PCDHGA3: variants seen among roughly 807,000 people sequenced by gnomAD.
PCDHGA3 encodes the protein protocadherin gamma-A3.
PCDHGA3 carries 40 observed loss-of-function variants against 58.5 expected under a neutral mutation model. That is an observed-to-expected ratio of 0.68 (90% CI 0.53 to 0.89). The LOEUF (loss-of-function observed/expected upper bound fraction) is 0.89. Among genes scored for constraint, PCDHGA3 ranks in the 40% least tolerant of loss-of-function variants. The pLI, the probability that PCDHGA3 is intolerant of heterozygous loss-of-function variation, is 0.00. For missense variants in PCDHGA3, 1,223 were observed against 1,195.9 expected (o/e 1.02, Z -0.33); for synonymous variants, 530 against 525.7 (o/e 1.01, Z -0.11).
At chr5:141,471,361 CT>C (rs2099255928) in intron 1 of PCDHGA3, 1 of 151,976 alleles carries the variant, frequency 6.6e-6, no homozygotes, top group Non-Finnish European at 1.5e-5. Flanking sequence ...TCCAAGCCCC[CT>C]ATTTTTATTT....
intron 1 of PCDHGA3, among the ~76,000 whole-genome samples, chr5:141,481,555 C>T (rs1013876865): frequency 3.3e-5 from 5 of 152,164 alleles, no homozygotes; most frequent in South Asian, 2.1e-4. Flanking sequence ...CAGTGGCTCA[C>T]GCCTGTAATC....
Position 141,485,627 on chromosome 5 carries a change from T to C in PCDHGA3, c.2425-9180T>C. 3 of 1,612,072 alleles carry C rather than the reference T, an allele frequency of 1.9e-6. No individual in the cohort carries two copies. Among genetic ancestry groups the C allele is most frequent in the Non-Finnish European group, 2.5e-6 (3 of 1,178,530 alleles). On this transcript the variant is annotated intron_variant, in intron 1 of 3. Transcript: ENST00000253812. This position sits in a 1 kb window ranked among gnomAD's most constrained non-coding sequence, Gnocchi z 5.7. ...GGAGGCAGCTCCTCCAGGACAGCGT[T>C]TCCCGTTGGAAAAGGCTCAGGATGC...
At chr5:141,376,163 G>C in intron 1 of PCDHGA3, 11 of 1,614,112 alleles carry the variant, frequency 6.8e-6, no homozygotes, top group Non-Finnish European at 9.3e-6. Flanking sequence ...TCTGTACCTG[G>C]TGGTGGCGGT....
chr5:141,355,406 G>T (rs1277213650), intron 1 of PCDHGA3: 1 of 1,614,106 alleles, frequency 6.2e-7, no homozygotes, highest in Non-Finnish European at 8.5e-7. Context: ...ATCGTCTCCA[G>T]AGGTAGGACG....
intron 1 of PCDHGA3, chr5:141,410,230 C>T (rs759582867): frequency 6.2e-7 from 1 of 1,614,006 alleles, no homozygotes; most frequent in Admixed American, 1.7e-5. Flanking sequence ...CAGACCTCAG[C>T]GACCGCCCTG....
At chr5:141,505,604 G>T (rs772730114) in intron 3 of PCDHGA3, 123 bp downstream of exon 3, 1 of 1,535,418 alleles carries the variant, frequency 6.5e-7, no homozygotes, top group Non-Finnish European at 8.8e-7. Flanking sequence ...CTTTCGGCAG[G>T]TCTGAAAGGA....
At chr5:141,505,332 A>C in intron 2 of PCDHGA3, 61 bp from the exon 3 acceptor site, 1 of 1,610,872 alleles carries the variant, frequency 6.2e-7, no homozygotes, top group South Asian at 1.1e-5. Flanking sequence ...GGGAGAGGAC[A>C]GGAGGGGCAT....
At chr5:141,498,551 C>T (rs749191535) in intron 2 of PCDHGA3, among the ~76,000 whole-genome samples, 2 of 151,950 alleles carry the variant, frequency 1.3e-5, no homozygotes, top group Non-Finnish European at 2.9e-5. Context: ...GTCAGACACA[C>T]CAGCTTCAAA....
chr5:141,410,215 A>G (rs2095369286), intron 1 of PCDHGA3: 11 of 1,613,894 alleles, frequency 6.8e-6, no homozygotes, highest in Non-Finnish European at 8.5e-6. Flanking sequence ...TGCAAGAGAT[A>G]CTGCCAGACC....
At chr5:141,370,529 G>C in intron 1 of PCDHGA3, 2 of 1,613,942 alleles carry the variant, frequency 1.2e-6, no homozygotes, top group Non-Finnish European at 1.7e-6. Context: ...ACAGGGGCTC[G>C]CTGGTAGGGA....
intron 1 of PCDHGA3, chr5:141,393,374 T>G (rs11575958): frequency 0.026 from 42,476 of 1,613,728 alleles, 744 homozygotes; most frequent in East Asian, 0.04. Flanking sequence ...CTGGAGACAA[T>G]GGAGCCATAA....
intron 1 of PCDHGA3, chr5:141,409,909 T>C (rs772516694): frequency 1.2e-6 from 2 of 1,613,200 alleles, no homozygotes; most frequent in African/African-American, 2.7e-5. Flanking sequence ...CTCTGGGTCC[T>C]GACGGCTCCG....
intron 1 of PCDHGA3, chr5:141,360,666 C>T (rs79500662): frequency 0.014 from 21,810 of 1,613,996 alleles, 195 homozygotes; most frequent in Non-Finnish European, 0.016. Context: ...ACAACGAGTA[C>T]TTTGATCTCG....
intron 1 of PCDHGA3, chr5:141,371,270 C>T (rs778912997): frequency 6.2e-7 from 1 of 1,613,894 alleles, no homozygotes; most frequent in African/African-American, 1.3e-5. Flanking sequence ...GACAACTGTT[C>T]AAGCTGGACA....
intron 1 of PCDHGA3, chr5:141,374,366 C>T: frequency 6.2e-7 from 1 of 1,614,052 alleles, no homozygotes; most frequent in Non-Finnish European, 8.5e-7. Flanking sequence ...CCGCGAGGAG[C>T]TCTGTGCTCA....
At chr5:141,360,889 A>C (rs1761788263) in intron 1 of PCDHGA3, 1 of 1,614,032 alleles carries the variant, frequency 6.2e-7, no homozygotes, top group Non-Finnish European at 8.5e-7. Context: ...GGTCACCCTG[A>C]GGGAGGACGT....
Position 141,420,101 on chromosome 5 carries a change from T to A in PCDHGA3, c.2424+73644T>A. 5 of 1,614,046 alleles carry A rather than the reference T, an allele frequency of 3.1e-6. No homozygotes were observed. Among genetic ancestry groups the A allele is most frequent in the Non-Finnish European group, 4.2e-6 (5 of 1,179,870 alleles). ...TCCCCCCAACTACAGTGAGGGAACGTTGCCCTATGCCTATAATTTTTGTGT... is the reference window on the plus strand; with the variant it reads ...TCCCCCCAACTACAGTGAGGGAACGATGCCCTATGCCTATAATTTTTGTGT... On this transcript the variant is annotated intron_variant, in intron 1 of 3. Transcript: ENST00000253812.
At chr5:141,419,359 G>C (rs1257423360) in intron 1 of PCDHGA3, 1 of 1,613,796 alleles carries the variant, frequency 6.2e-7, no homozygotes. Flanking sequence ...AGTCACGAAC[G>C]CTGTCGTCCT....
chr5:141,475,870 C>CAGTT, intron 1 of PCDHGA3: 1 of 511,190 alleles, frequency 2.0e-6, no homozygotes, highest in East Asian at 3.3e-5. Context: ...ATTCTTCGTG[C>CAGTT]AGTTATTGGC....
Sources: gnomAD v4.1 joint callset for allele counts (sites outside exome capture counted in the v4.1 genomes callset) on GRCh38, gnomAD v4.1.1 for gene constraint, Gnocchi (gnomAD v3.1) non-coding constraint, MANE v1.5 for transcripts, NCBI Gene and HGNC (gene_info 2026-07-23, HGNC 2026-07-21) for gene names.